The following TEF variants were observed in gnomAD, a reference collection of about 807,000 sequenced individuals.
TEF encodes the protein TEF transcription factor, PAR bZIP family member.
A neutral mutation model predicts 20.8 loss-of-function variants in TEF; 3 were observed. The ratio of observed to expected loss-of-function variants is 0.14; its 90% CI spans 0.07 to 0.37. The LOEUF is 0.37. Among genes scored for constraint, TEF ranks in the 10% least tolerant of loss-of-function variants. The pLI, the probability that TEF is intolerant of heterozygous loss-of-function variation, is 1.00. For missense variants in TEF, 296 were observed against 397.9 expected (o/e 0.74, Z 2.18); for synonymous variants, 180 against 171.1 (o/e 1.05, Z -0.41).
chr22:41,378,855 G>C (rs1020964207), upstream of TEF, among the ~76,000 whole-genome samples: 2 of 152,200 alleles, frequency 1.3e-5, no homozygotes, highest in African/African-American at 2.4e-5. Context: ...GCCACACACA[G>C]AATTCTCACT....
chr22:41,386,703 A>G (rs2037101850), intron 1 of TEF, among the ~76,000 whole-genome samples: 1 of 152,160 alleles, frequency 6.6e-6, no homozygotes, highest in South Asian at 2.1e-4. Context: ...AGATTGCGCC[A>G]TTGTAAGCCA....
chr22:41,396,687 G>A lies in TEF; in HGVS notation c.*727G>A. On this transcript the variant is annotated 3_prime_UTR_variant, in exon 4 of 4. Transcript: ENST00000266304. Reference sequence around the variant, plus strand: ...TGGAGGAGAGACTCCTAGGATGGCTGCTGTCTGAGCCATGAGTGCCAGGGC... The same window carrying A: ...TGGAGGAGAGACTCCTAGGATGGCTACTGTCTGAGCCATGAGTGCCAGGGC... The A allele has an allele frequency of 2.7e-6, 1 of 363,666 alleles. No individual in the cohort carries two copies. Among genetic ancestry groups the A allele is most frequent in the Middle Eastern group, 7.0e-4 (1 of 1,436 alleles). 22.5% of individuals were successfully genotyped at this position (363,666 alleles called of 1,614,324 possible). A position where few individuals can be genotyped will look rare whatever the true frequency, so the allele number is the denominator to read the frequency against.
intron 1 of TEF, among the ~76,000 whole-genome samples, chr22:41,386,842 G>A (rs553751361): frequency 7.2e-5 from 11 of 152,102 alleles, no homozygotes; most frequent in South Asian, 6.2e-4. Flanking sequence ...TCAGGAGTTC[G>A]AGACCAGCCT....
intron 1 of TEF, among the ~76,000 whole-genome samples, chr22:41,375,231 C>T (rs537350801): frequency 2.7e-4 from 41 of 152,226 alleles, no homozygotes; most frequent in Non-Finnish European, 5.0e-4. Context: ...AGAGTACTGA[C>T]GAGGAGGGCA....
intron 2 of TEF, 32 bp downstream of exon 2, chr22:41,387,700 G>A (rs1265866474): frequency 1.3e-6 from 2 of 1,574,196 alleles, no homozygotes; most frequent in Non-Finnish European, 1.7e-6. Context: ...AGGGCCACCT[G>A]TCCCATCCAG....
chr22:41,370,045 C>T (rs1256366032), intron 1 of TEF: 1 of 985,272 alleles, frequency 1.0e-6, no homozygotes, highest in Non-Finnish European at 1.2e-6. Context: ...GTGTGAGAAA[C>T]TCCAGGTGTG....
Position 41,382,140 on chromosome 22 carries a change from G to A in TEF, c.96G>A (p.Ser32=), listed in dbSNP as rs1186315586. The change falls in exon 1 of 4, where the codon TCG becomes TCA. Residue 32 remains serine, a synonymous_variant. Coordinates refer to ENST00000266304, the MANE Select transcript of TEF (RefSeq NM_003216.4). ...PGRAAGERGL[S]GSFPLVLKKL... Reference sequence around the variant, plus strand: ...GCGCAGCTGGGGAAAGGGGCCTGTCGGGGTCCTTCCCCCTGGTCCTGAAGA... The same window carrying A: ...GCGCAGCTGGGGAAAGGGGCCTGTCAGGGTCCTTCCCCCTGGTCCTGAAGA... 8.1e-6 allele frequency: 10 copies of A among 1,238,950 alleles called. No individual in the cohort carries two copies. The highest frequency in any genetic ancestry group is 4.1e-5 in the Admixed American group (1 of 24,578). 76.7% of individuals were successfully genotyped at this position (1,238,950 alleles called of 1,614,324 possible). A position where few individuals can be genotyped will look rare whatever the true frequency, so the allele number is the denominator to read the frequency against.
At chr22:41,369,891 G>A (rs2036861209) in intron 1 of TEF, 6 of 985,416 alleles carry the variant, frequency 6.1e-6, no homozygotes, top group Non-Finnish European at 7.2e-6. Context: ...GAAGGGGGCA[G>A]TTATCTCTTT....
chr22:41,369,398 G>A (rs758666043), intron 1 of TEF, among the ~76,000 whole-genome samples: 6 of 152,236 alleles, frequency 3.9e-5, no homozygotes, highest in Non-Finnish European at 8.8e-5. Context: ...TCCAAGGGGT[G>A]TGGGCCAGTC....
In TEF at chr22:41,385,205, A is replaced by G. The variant is rs868361691; in HGVS notation, c.158-2146A>G. 1.1e-3 allele frequency among the ~76,000 whole-genome samples: 169 copies of G among 152,026 alleles called. 1 individual carries two copies. The highest frequency in any genetic ancestry group is 3.9e-3 in the African/African-American group (161 of 41,480). On this transcript the variant is annotated intron_variant, in intron 1 of 3. Coordinates refer to ENST00000266304, the MANE Select transcript of TEF (RefSeq NM_003216.4). ...ATGGAGAAACCCTGTCTCTACTAAA[A>G]CAAAATTAGCCGGGCATGGTAGCGC...
rs776840071 is a variant in TEF at position 41,394,191 on chromosome 22, G to C, written c.571G>C (p.Val191Leu). The change falls in exon 3 of 4, where the codon GTG (valine) becomes CTG (leucine). Residue 191 changes from valine to leucine, a missense_variant. Physicochemically the swap from Val to Leu is conservative, Grantham distance 32. Around this residue, in one of 2 missense-constraint regions of TEF, gnomAD observed 194 missense variants for 317.8 expected, o/e 0.61. Coordinates refer to ENST00000266304, the MANE Select transcript of TEF (RefSeq NM_003216.4). ...VNFNPDPADL[V>L]LSSVPGGELF... ...CTTCAATCCGGACCCCGCCGACCTG[G>C]TGCTCTCCAGTGTGCCAGGCGGGGA... 3 of 1,614,054 alleles carry C rather than the reference G, an allele frequency of 1.9e-6. No individual in the cohort carries two copies. The South Asian group carries it at 3.3e-5, about 18-fold the overall frequency.
chr22:41,397,139 C>G lies in TEF; in HGVS notation c.*1179C>G. On this transcript the variant is annotated 3_prime_UTR_variant, in exon 4 of 4. Transcript: ENST00000266304. ...ACCTAGTCTAGAGTCACCAAGGTCACAGTGCCACTTTCACGGGATAGCAGG... is the reference window on the plus strand; with the variant it reads ...ACCTAGTCTAGAGTCACCAAGGTCAGAGTGCCACTTTCACGGGATAGCAGG... The G allele has an allele frequency of 2.5e-6, 1 of 398,714 alleles. No homozygotes were observed. 24.7% of individuals were successfully genotyped at this position (398,714 alleles called of 1,614,324 possible).
intron 1 of TEF, among the ~76,000 whole-genome samples, chr22:41,368,121 G>A (rs1379948762): frequency 6.6e-6 from 1 of 152,100 alleles, no homozygotes; most frequent in African/African-American, 2.4e-5. Flanking sequence ...TGCGTTCCTA[G>A]GATACCACAG....
chr22:41,387,456 C>T lies in TEF; in HGVS notation c.263C>T (p.Pro88Leu). ...CCACCCATCTGGGACAAGACCATCC[C>T]ATATGATGGCGAATCTTTCCACCTG... ...LMPPIWDKTIPYDGESFHLEY... is the reference protein window; with the variant it reads ...LMPPIWDKTILYDGESFHLEY... Residue 88 changes from proline to leucine, a missense_variant, in exon 2 of 4, where the codon CCA (proline) becomes CTA (leucine). Physicochemically the swap from Pro to Leu is moderately conservative, Grantham distance 98. This residue lies in a region of TEF where 194 missense variants were observed against 317.8 expected (regional missense o/e 0.61). Coordinates refer to ENST00000266304, the MANE Select transcript of TEF (RefSeq NM_003216.4). The T allele has an allele frequency of 6.2e-7, 1 of 1,614,238 alleles. No homozygotes were observed.
In TEF at chr22:41,382,067, A is replaced by G; in HGVS notation, c.23A>G (p.Lys8Arg). Residue 8 changes from lysine to arginine, a missense_variant, in exon 1 of 4, where the codon AAG becomes AGG. Coordinates refer to ENST00000266304, the MANE Select transcript of TEF (RefSeq NM_003216.4). ...ACGATGTCCGACGCGGGCGGCGGAA[A>G]GAAGCCGCCTGTGGACCCGCAGGCA... MSDAGGG[K>R]KPPVDPQAGP... is the part of the protein sequence containing the mutation. 1.6e-6 allele frequency: 2 copies of G among 1,231,340 alleles called. No individual in the cohort carries two copies. Among genetic ancestry groups the G allele is most frequent in the African/African-American group, 1.6e-5 (1 of 64,454 alleles). The allele number at this position is 1,231,340 out of a possible 1,614,324, so 76.3% of individuals were successfully genotyped here.
intron 1 of TEF, chr22:41,382,981 G>C (rs544691637): frequency 6.4e-6 from 3 of 471,030 alleles, no homozygotes; most frequent in Non-Finnish European, 1.3e-5. Flanking sequence ...GGCGTATACG[G>C]AAAGCAGGTC....
At chr22:41,370,032 G>T (rs543507341) in intron 1 of TEF, 1 of 985,272 alleles carries the variant, frequency 1.0e-6, no homozygotes, top group Non-Finnish European at 1.2e-6. Context: ...GAAAGTCTGC[G>T]GAGTGTGAGA....
At chr22:41,394,801 T>C (rs1386526638) in intron 3 of TEF, among the ~76,000 whole-genome samples, 1 of 152,206 alleles carries the variant, frequency 6.6e-6, no homozygotes. Context: ...TTCATCCAAA[T>C]CTTTGGAGTC....
chr22:41,395,793 C>T lies in TEF; in HGVS notation c.745C>T (p.Arg249Trp), dbSNP rs1445695302. ...RRKKNNVAAK[R>W]SRDARRLKEN... The stretch of plus-strand genomic sequence containing the variant: ...CAAGAAGAACAACGTGGCAGCTAAA[C>T]GGTCACGGGATGCCCGGCGCCTGAA... Residue 249 changes from arginine to tryptophan, a missense_variant, in exon 4 of 4, where the codon CGG (arginine) becomes TGG (tryptophan). By Grantham distance (101) the Arg-to-Trp change is moderately radical. Transcript: ENST00000266304. 4.3e-6 allele frequency: 7 copies of T among 1,614,032 alleles called. No individual in the cohort carries two copies. Among genetic ancestry groups the T allele is most frequent in the African/African-American group, 2.7e-5 (2 of 74,926 alleles).
Sources: allele counts gnomAD v4.1 joint callset (sites outside exome capture counted in the v4.1 genomes callset), GRCh38; gene constraint gnomAD v4.1.1; regional missense constraint gnomAD v4.1.1; transcripts MANE v1.5; gene names NCBI Gene and HGNC (gene_info 2026-07-23, HGNC 2026-07-21).